ZNF423: variants seen among roughly 807,000 people sequenced by gnomAD.
ZNF423 encodes Ebf-associated zinc finger protein.
Under a neutral mutation model 95.8 loss-of-function variants are expected in ZNF423, and 12 were observed. The ratio of observed to expected loss-of-function variants is 0.13; its 90% CI spans 0.08 to 0.20. The LOEUF is 0.20. ZNF423 is among the 10% of genes least tolerant of loss of function. ZNF423 has a pLI of 1.00. For synonymous variants in ZNF423, 749 were observed against 711.9 expected (o/e 1.05, Z -0.83); for missense variants, 1,316 against 1,737.1 (o/e 0.76, Z 4.31).
At chr16:49,613,118 T>C (rs1971778022) in intron 5 of ZNF423, among the ~76,000 whole-genome samples, 1 of 152,160 alleles carries the variant, frequency 6.6e-6, no homozygotes. Flanking sequence ...TATACACATT[T>C]AACATGATTC....
At chr16:49,626,286 G>A (rs376822497) in intron 4 of ZNF423, 32 bp from the exon 5 acceptor site, 85 of 1,607,976 alleles carry the variant, frequency 5.3e-5, no homozygotes, top group Non-Finnish European at 7.1e-5. Flanking sequence ...AAGATTTAGA[G>A]AGGCAGGAGG....
At chr16:49,809,622 A>G (rs2034720164) in intron 1 of ZNF423, among the ~76,000 whole-genome samples, 2 of 152,196 alleles carry the variant, frequency 1.3e-5, no homozygotes, top group African/African-American at 4.8e-5. Context: ...CACCTGCGAG[A>G]ACAGATGTGG....
intron 1 of ZNF423, among the ~76,000 whole-genome samples, chr16:49,819,267 A>AAC (rs2034903970): frequency 6.6e-6 from 1 of 151,344 alleles, no homozygotes; most frequent in African/African-American, 2.4e-5. Context: ...AAAAAAAAAA[A>AAC]AATGGCAGTT....
At chr16:49,835,241 G>T (rs999681457) in intron 1 of ZNF423, among the ~76,000 whole-genome samples, 4 of 152,200 alleles carry the variant, frequency 2.6e-5, no homozygotes, top group Non-Finnish European at 5.9e-5. Context: ...CTGGCCCCCT[G>T]GCTCAGCCCT....
At chr16:49,721,986 G>A (rs942066802) in intron 3 of ZNF423, among the ~76,000 whole-genome samples, 1 of 152,204 alleles carries the variant, frequency 6.6e-6, no homozygotes, top group African/African-American at 2.4e-5. Context: ...CAAGTCAAGG[G>A]AGGGATGCTC....
chr16:49,552,355 C>T (rs1768728258), intron 5 of ZNF423, among the ~76,000 whole-genome samples: 1 of 152,152 alleles, frequency 6.6e-6, no homozygotes, highest in South Asian at 2.1e-4. Context: ...TACTTGATGC[C>T]TCCCTGATGC....
At chr16:49,682,475 C>A (rs2031403879) in intron 3 of ZNF423, among the ~76,000 whole-genome samples, 1 of 152,210 alleles carries the variant, frequency 6.6e-6, no homozygotes, top group Non-Finnish European at 1.5e-5. Context: ...GGGTCTGGAG[C>A]AGGGACACAG....
At chr16:49,682,258 TTCCCCCCATTC>T (rs2031394619) in intron 3 of ZNF423, among the ~76,000 whole-genome samples, 1 of 95,640 alleles carries the variant, frequency 1.0e-5, no homozygotes, top group Non-Finnish European at 2.3e-5. Flanking sequence ...CAACCCCATT[TTCCCCCCATTC>T]TCCAACCGTC....
chr16:49,807,247 C>T lies in ZNF423; in HGVS notation c.41-17701G>A, dbSNP rs551987829. Among the ~76,000 whole-genome samples, 13 of 151,456 alleles carry T rather than the reference C, an allele frequency of 8.6e-5. No homozygotes were observed. The South Asian group carries it at 2.5e-3, about 29-fold the overall frequency. On this transcript the variant is annotated intron_variant, in intron 1 of 7. Transcript: ENST00000563137. ...GAGATCGAGACCATCCTGGCTAATG[C>T]GGTGAAACCCCATCTCTACTAAAAA...
intron 2 of ZNF423, among the ~76,000 whole-genome samples, chr16:49,771,115 A>G (rs1225911678): frequency 1.3e-5 from 2 of 150,032 alleles, no homozygotes; most frequent in Non-Finnish European, 3.0e-5. Flanking sequence ...GCATAACACC[A>G]CCGATGGAGA....
intron 5 of ZNF423, among the ~76,000 whole-genome samples, chr16:49,621,229 G>A (rs779373975): frequency 6.6e-6 from 1 of 152,186 alleles, no homozygotes; most frequent in African/African-American, 2.4e-5. Flanking sequence ...TGTGCCTTCT[G>A]GGGGAGGAAG....
chr16:49,597,601 C>G (rs1490618499), intron 5 of ZNF423, among the ~76,000 whole-genome samples: 1 of 151,972 alleles, frequency 6.6e-6, no homozygotes, highest in East Asian at 1.9e-4. Flanking sequence ...CTTTGGACAG[C>G]CTGCTGTAGA....
chr16:49,626,830 C>G, intron 4 of ZNF423, among the ~76,000 whole-genome samples: 1 of 146,172 alleles, frequency 6.8e-6, no homozygotes, highest in East Asian at 2.1e-4. Context: ...ACATATACAC[C>G]CACCAATAGA....
intron 5 of ZNF423, among the ~76,000 whole-genome samples, chr16:49,554,183 C>T (rs1969744660): frequency 6.6e-6 from 1 of 152,164 alleles, no homozygotes; most frequent in African/African-American, 2.4e-5. Flanking sequence ...CACCTGAGGC[C>T]ACAGCTCCAA....
rs576364294 is a variant in ZNF423, at chr16:49,529,541, G to A, written c.3602-4047C>T. Among the ~76,000 whole-genome samples, 15 of 152,288 alleles carry A rather than the reference G, an allele frequency of 9.8e-5. No individual in the cohort carries two copies. In the East Asian group the frequency reaches 2.3e-3, roughly 24 times the overall value. ...GTGTCAGCCCAAAAGAGGAGCAGAG[G>A]GCTTTGTGGAAGAGCATCGTGCCGA... is the stretch of plus-strand genomic sequence containing the variant. On this transcript the variant is annotated intron_variant, in intron 5 of 7. Transcript: ENST00000563137.
chr16:49,708,298 T>C (rs1302138140), intron 3 of ZNF423: 4 of 151,200 alleles, frequency 2.6e-5, no homozygotes, highest in Non-Finnish European at 5.9e-5. Flanking sequence ...TTTCTTTTCT[T>C]TTTTTTTTCT....
chr16:49,735,877 C>A (rs2033274941), intron 2 of ZNF423, among the ~76,000 whole-genome samples: 1 of 152,234 alleles, frequency 6.6e-6, no homozygotes, highest in Non-Finnish European at 1.5e-5. Context: ...CCCAGTGAGA[C>A]TGCCAGCTGA....
intron 1 of ZNF423, among the ~76,000 whole-genome samples, chr16:49,839,212 G>A (rs1363255046): frequency 6.6e-6 from 1 of 151,724 alleles, no homozygotes; most frequent in Non-Finnish European, 1.5e-5. Context: ...TCGGACTCCA[G>A]GGGGACCGTG....
intron 5 of ZNF423, among the ~76,000 whole-genome samples, chr16:49,589,900 C>T (rs1596682438): frequency 6.6e-6 from 1 of 151,892 alleles, no homozygotes; most frequent in Admixed American, 6.6e-5. Context: ...CCTTGGCGTC[C>T]GCCATTAGCG....
Sources: gnomAD v4.1 joint callset for allele counts (sites outside exome capture counted in the v4.1 genomes callset) on GRCh38, gnomAD v4.1.1 for gene constraint, MANE v1.5 for transcripts, NCBI Gene and HGNC (gene_info 2026-07-23, HGNC 2026-07-21) for gene names.